Variants in ACSF3 observed in about 807,000 individuals in gnomAD.
ACSF3 encodes malonate--CoA ligase ACSF3, mitochondrial.
ACSF3 carries 78 observed loss-of-function variants against 53.2 expected under a neutral mutation model. The observed-to-expected ratio is 1.47, with a 90% confidence interval of 1.22 to 1.77. The LOEUF is 1.77. ACSF3 is among the 40% of genes most tolerant of loss of function. The pLI is 0.00. For missense variants in ACSF3, 937 were observed against 771.1 expected (o/e 1.22, Z -2.55); for synonymous variants, 414 against 333.1 (o/e 1.24, Z -2.65).
At chr16:89,124,403 ATGTG>A (rs34484345) in intron 7 of ACSF3, among the ~76,000 whole-genome samples, 32 of 150,218 alleles carry the variant, frequency 2.1e-4, no homozygotes, top group African/African-American at 7.3e-4. Context: ...TGCACTGCTC[ATGTG>A]TGTGTTACCC....
At chr16:89,138,860 T>C (rs1417619684) in intron 8 of ACSF3, among the ~76,000 whole-genome samples, 2 of 152,252 alleles carry the variant, frequency 1.3e-5, no homozygotes, top group Admixed American at 6.5e-5. Flanking sequence ...GCTGAGTGTT[T>C]TTACATTTTT....
rs776328277 is a variant in ACSF3 at position 89,101,159 on chromosome 16, GT to G, written c.479del (p.Val160AlafsTer20). On this transcript the variant is annotated frameshift_variant, in exon 3 of 11. Coordinates refer to ENST00000614302, the MANE Select transcript of ACSF3 (RefSeq NM_001243279.3). LOFTEE classifies it high-confidence loss of function. ...GTACCTGGAGCTCCTGAGCCCGGTG[GT>G]CAGGAAGCTGGGGGTCCCGCTGCTG... The part of the protein sequence containing the change: ...QEYLELLSPV[V>X]RKLGVPLLPL... 9 of 1,613,292 alleles carry G rather than the reference GT, an allele frequency of 5.6e-6. No individual in the cohort carries two copies. Among genetic ancestry groups the G allele is most frequent in the African/African-American group, 1.3e-5 (1 of 74,914 alleles).
chr16:89,118,067 C>T (rs918080728), intron 6 of ACSF3, among the ~76,000 whole-genome samples: 6 of 151,594 alleles, frequency 4.0e-5, no homozygotes, highest in Non-Finnish European at 2.9e-5. Flanking sequence ...CGGCAGGTTC[C>T]CTCGGGCGCC....
At chr16:89,140,349 C>G (rs893772739) in intron 8 of ACSF3, among the ~76,000 whole-genome samples, 4 of 152,128 alleles carry the variant, frequency 2.6e-5, no homozygotes, top group African/African-American at 9.7e-5. Flanking sequence ...GGCACCTGTT[C>G]CAGGCTTGGC....
chr16:89,132,293 G>C (rs1909498443), intron 7 of ACSF3, among the ~76,000 whole-genome samples: 1 of 152,202 alleles, frequency 6.6e-6, no homozygotes, highest in Non-Finnish European at 1.5e-5. Flanking sequence ...GAAGAGTGAG[G>C]GTCGTGGAGC....
intron 6 of ACSF3, 65 bp from the exon 7 acceptor site, chr16:89,120,736 T>G (rs954385284): frequency 6.7e-7 from 1 of 1,488,730 alleles, no homozygotes. Context: ...GAGCTCAGTG[T>G]GTGCTTCTCT....
chr16:89,152,031 G>C (rs1052130133), intron 10 of ACSF3: 1 of 152,264 alleles, frequency 6.6e-6, no homozygotes, highest in Non-Finnish European at 1.5e-5. Flanking sequence ...GAAAATCCTT[G>C]AACCTGATGA....
chr16:89,143,517 G>C (rs868348788), intron 8 of ACSF3, among the ~76,000 whole-genome samples: 1 of 152,138 alleles, frequency 6.6e-6, no homozygotes, highest in African/African-American at 2.4e-5. Flanking sequence ...GCCTGGACGG[G>C]GTGGCTCGGT....
At chr16:89,097,095 C>T (rs1365230300) in intron 1 of ACSF3, among the ~76,000 whole-genome samples, 6 of 152,214 alleles carry the variant, frequency 3.9e-5, no homozygotes. Flanking sequence ...CGGGGTGACT[C>T]AGGAATTTGT....
chr16:89,131,612 T>C (rs1228783701), intron 7 of ACSF3, among the ~76,000 whole-genome samples: 2 of 152,152 alleles, frequency 1.3e-5, no homozygotes, highest in Non-Finnish European at 2.9e-5. Flanking sequence ...GATGTTGAGG[T>C]GTTTGTTTTA....
chr16:89,154,374 C>T lies in ACSF3; in HGVS notation c.*167C>T, dbSNP rs754211738. The T allele has an allele frequency of 4.1e-6, 3 of 726,554 alleles. No homozygotes were observed. The highest frequency in any genetic ancestry group is 7.3e-6 in the Non-Finnish European group (3 of 412,096). The allele number at this position is 726,554 out of a possible 1,614,324, so 45.0% of individuals were successfully genotyped here. On this transcript the variant is annotated 3_prime_UTR_variant, in exon 11 of 11. Coordinates refer to ENST00000614302, the MANE Select transcript of ACSF3 (RefSeq NM_001243279.3). ...GGATGAAATCACCATGTGGGGTCCC[C>T]AGCCTCGGGCCAGTTGTTGCAGCTC... is the stretch of plus-strand genomic sequence containing the variant.
chr16:89,148,058 A>G (rs1597260540), intron 10 of ACSF3: 1 of 151,510 alleles, frequency 6.6e-6, no homozygotes, highest in Non-Finnish European at 1.5e-5. Context: ...TCCAAAACCT[A>G]GCAAGGCAGT....
rs1025003738 is a variant in ACSF3, at chr16:89,102,578, C to G, written c.667-26C>G. On this transcript the variant is annotated intron_variant, in intron 3 of 10. Coordinates refer to ENST00000614302, the MANE Select transcript of ACSF3 (RefSeq NM_001243279.3). ...TGCGGGCCACAGTCTTGCTCTTGCT[C>G]TCAGCTGTGCTCTCGTCCCCTGCAG... The G allele has an allele frequency of 8.1e-6, 13 of 1,612,640 alleles. No homozygotes were observed. In the Admixed American group the frequency reaches 1.5e-4, roughly 19 times the overall value.
At chr16:89,104,609 C>T (rs190165082) in intron 4 of ACSF3, among the ~76,000 whole-genome samples, 58 of 152,300 alleles carry the variant, frequency 3.8e-4, no homozygotes, top group African/African-American at 1.2e-3. Context: ...GCCCACCTTC[C>T]CTCTGCTTCT....
At chr16:89,103,888 C>T (rs72817441) in intron 4 of ACSF3, among the ~76,000 whole-genome samples, 6,785 of 152,270 alleles carry the variant, frequency 0.045, 222 homozygotes, top group East Asian at 0.14. Context: ...AGCTGCTGCG[C>T]GCAGCCTTGC....
At chr16:89,146,572 G>A (rs1440078758) in intron 10 of ACSF3, among the ~76,000 whole-genome samples, 2 of 152,202 alleles carry the variant, frequency 1.3e-5, no homozygotes, top group Non-Finnish European at 2.9e-5. Context: ...GGTGGGTCCT[G>A]AAGGTGCCTC....
chr16:89,098,408 C>G (rs1047416312), intron 1 of ACSF3, among the ~76,000 whole-genome samples, 183 bp from the exon 2 acceptor site: 3 of 152,340 alleles, frequency 2.0e-5, no homozygotes, highest in Admixed American at 2.0e-4. Flanking sequence ...GGAGGAGACT[C>G]GACAGGGTCA....
In ACSF3 at chr16:89,145,395, A is replaced by C. The variant is rs1272786593; in HGVS notation, c.1495A>C (p.Ile499Leu). The change falls in exon 9 of 11, where the codon ATC (isoleucine) becomes CTC (leucine). Residue 499 changes from isoleucine to leucine, a missense_variant. Transcript: ENST00000614302. ...GTGGCACCTGCTGGCCCACCCCAGC[A>C]TCACAGGTGCGTGGCCGGACTTGGG... ...VEWHLLAHPS[I>L]TDVAVIGVPD... 1.2e-6 allele frequency: 2 copies of C among 1,613,988 alleles called. No homozygotes were observed. Among genetic ancestry groups the C allele is most frequent in the African/African-American group, 2.7e-5 (2 of 74,938 alleles).
At chr16:89,151,600 A>C in intron 10 of ACSF3, 1 of 196,110 alleles carries the variant, frequency 5.1e-6, no homozygotes. Context: ...AGTCTGTGTA[A>C]TTCACCATAT....
Sources: gnomAD v4.1 joint callset for allele counts (sites outside exome capture counted in the v4.1 genomes callset) on GRCh38, gnomAD v4.1.1 for gene constraint, MANE v1.5 for transcripts, NCBI Gene and HGNC (gene_info 2026-07-23, HGNC 2026-07-21) for gene names.